The following SEPTIN11 variants were observed in gnomAD, a reference collection of about 807,000 sequenced individuals.
The protein encoded by SEPTIN11 is septin 11.
SEPTIN11 carries 25 observed loss-of-function variants against 51.4 expected under a neutral mutation model. That is an observed-to-expected ratio of 0.49 (90% CI 0.35 to 0.68). SEPTIN11 has a LOEUF of 0.68. Ranked by LOEUF, SEPTIN11 falls within the 30% of genes least tolerant of loss-of-function variation. The pLI is 0.00. For missense variants in SEPTIN11, 381 were observed against 520.8 expected (o/e 0.73, Z 2.61); for synonymous variants, 174 against 184.1 (o/e 0.95, Z 0.44).
rs150305848 is a variant in SEPTIN11 at position 77,012,325 on chromosome 4, A to G, written c.525+404A>G. 3.8e-3 allele frequency among the ~76,000 whole-genome samples: 582 copies of G among 152,308 alleles called. 4 individuals carry two copies. Among genetic ancestry groups the G allele is most frequent in the African/African-American group, 0.013 (550 of 41,556 alleles). ...TGATGATAATGGTCCAGCTTCTTCA[A>G]TTTTAAAACTGAACTGCACATGTGT... is the stretch of plus-strand genomic sequence containing the variant. On this transcript the variant is annotated intron_variant, in intron 4 of 9. Transcript: ENST00000264893.
In SEPTIN11 at chr4:77,035,687, A is replaced by G; in HGVS notation, c.*1175A>G. ...GCTGAAGTCTCAAATCATTGTCTGG[A>G]ATTTTCCTCACCTTGGCTAGCTCCA... On this transcript the variant is annotated 3_prime_UTR_variant, in exon 10 of 10. Coordinates refer to ENST00000264893, the MANE Select transcript of SEPTIN11 (RefSeq NM_018243.4). 7.1e-6 allele frequency: 7 copies of G among 985,874 alleles called. No individual in the cohort carries two copies. Among genetic ancestry groups the G allele is most frequent in the Non-Finnish European group, 8.4e-6 (7 of 829,942 alleles). The allele number at this position is 985,874 out of a possible 1,614,324, so 61.1% of individuals were successfully genotyped here.
At chr4:76,957,295 G>T (rs1172152470) in intron 1 of SEPTIN11, among the ~76,000 whole-genome samples, 1 of 152,056 alleles carries the variant, frequency 6.6e-6, no homozygotes, top group Non-Finnish European at 1.5e-5. Context: ...GTCCCTAAAT[G>T]CAGATGAATC....
intron 1 of SEPTIN11, among the ~76,000 whole-genome samples, chr4:76,954,689 C>T (rs1417458293): frequency 6.6e-6 from 1 of 152,236 alleles, no homozygotes; most frequent in Non-Finnish European, 1.5e-5. Context: ...AATCAGGAGT[C>T]TGTTCCCTGA....
intron 1 of SEPTIN11, chr4:76,973,186 T>G (rs2109904074): frequency 6.6e-6 from 1 of 152,314 alleles, no homozygotes; most frequent in East Asian, 1.9e-4. Flanking sequence ...ACTCAAAGCC[T>G]GTGTGGGGGG....
chr4:76,969,045 A>G (rs2109898315), intron 1 of SEPTIN11, among the ~76,000 whole-genome samples: 1 of 152,280 alleles, frequency 6.6e-6, no homozygotes, highest in East Asian at 1.9e-4. Context: ...CCCACATGTT[A>G]TGTTTGGCTT....
chr4:76,982,034 T>A (rs1161170333), intron 1 of SEPTIN11, among the ~76,000 whole-genome samples: 1 of 152,206 alleles, frequency 6.6e-6, no homozygotes, highest in African/African-American at 2.4e-5. Flanking sequence ...ATTTAAGGAC[T>A]ATTTCCAGTA....
Position 77,020,588 on chromosome 4 carries a change from A to G in SEPTIN11, c.871A>G (p.Thr291Ala). The G allele has an allele frequency of 6.3e-7, 1 of 1,575,476 alleles. No individual in the cohort carries two copies. Among genetic ancestry groups the G allele is most frequent in the Non-Finnish European group, 8.6e-7 (1 of 1,165,492 alleles). Residue 291 changes from threonine to alanine, a missense_variant, in exon 7 of 10, where the codon ACC becomes GCC. Physicochemically the swap from Thr to Ala is moderately conservative, Grantham distance 58. Coordinates refer to ENST00000264893, the MANE Select transcript of SEPTIN11 (RefSeq NM_018243.4). ...GGAGGACTTGCGAGAGCAGACTCACACCCGCCACTATGAATTGTACCGACG... is the reference window on the plus strand; with the variant it reads ...GGAGGACTTGCGAGAGCAGACTCACGCCCGCCACTATGAATTGTACCGACG... Reference protein sequence around the residue: ...NMEDLREQTHTRHYELYRRCK... With the variant: ...NMEDLREQTHARHYELYRRCK...
At chr4:77,007,761 A>T (rs1179138177) in intron 3 of SEPTIN11, among the ~76,000 whole-genome samples, 2 of 152,204 alleles carry the variant, frequency 1.3e-5, no homozygotes, top group Admixed American at 1.3e-4. Flanking sequence ...TGGCACTTAA[A>T]ACTCTCTGTT....
intron 5 of SEPTIN11, 76 bp from the exon 6 acceptor site, chr4:77,019,089 G>C: frequency 7.3e-7 from 1 of 1,363,944 alleles, no homozygotes; most frequent in Non-Finnish European, 1.0e-6. Context: ...CAGAAGGAGG[G>C]AGAAGATAGA....
intron 1 of SEPTIN11, among the ~76,000 whole-genome samples, chr4:76,979,441 T>A (rs1449087784): frequency 1.3e-5 from 2 of 152,088 alleles, no homozygotes; most frequent in African/African-American, 4.8e-5. Flanking sequence ...TCCAGTTTAG[T>A]GTATGGGCGG....
At chr4:76,991,702 G>T (rs1723386471) in intron 1 of SEPTIN11, among the ~76,000 whole-genome samples, 1 of 152,140 alleles carries the variant, frequency 6.6e-6, no homozygotes, top group South Asian at 2.1e-4. Context: ...TCTCCTCCAT[G>T]CCTTCCCGTA....
chr4:77,034,345 C>T (rs990665108), intron 9 of SEPTIN11, 152 bp from the exon 10 acceptor site: 18 of 589,924 alleles, frequency 3.1e-5, no homozygotes, highest in Middle Eastern at 4.9e-4. Flanking sequence ...GTAGAGTAGC[C>T]TTCTCAAATT....
Position 77,024,161 on chromosome 4 carries a change from C to CAA in SEPTIN11, c.953+3492_953+3493insAA. ...GAGGCAAAAGGAGGAGTAGCGCGCGCACAGAAACGCCGTATTCAAGCCTTG... is the reference window on the plus strand; with the variant it reads ...GAGGCAAAAGGAGGAGTAGCGCGCGCAAACAGAAACGCCGTATTCAAGCCTTG... On this transcript the variant is annotated intron_variant, in intron 7 of 9. Transcript: ENST00000264893. This position sits in a 1 kb window ranked among gnomAD's most constrained non-coding sequence, Gnocchi z 4.2. Among the ~76,000 whole-genome samples the CAA allele has an allele frequency of 6.6e-6, 1 of 152,090 alleles. No individual in the cohort carries two copies. Among genetic ancestry groups the CAA allele is most frequent in the Non-Finnish European group, 1.5e-5 (1 of 68,010 alleles).
chr4:77,035,010 T>C lies in SEPTIN11; in HGVS notation c.*498T>C, dbSNP rs1436809559. On this transcript the variant is annotated 3_prime_UTR_variant, in exon 10 of 10. Transcript: ENST00000264893. ...TCCTAAGCCAAGGTAGATTTGTACG[T>C]AGACAGACTGGTGAGCAAGCATTAT... 1.0e-6 allele frequency: 1 copy of C among 985,924 alleles called. No individual in the cohort carries two copies. Among genetic ancestry groups the C allele is most frequent in the Non-Finnish European group, 1.2e-6 (1 of 830,150 alleles). 61.1% of individuals were successfully genotyped at this position (985,924 alleles called of 1,614,324 possible).
intron 2 of SEPTIN11, among the ~76,000 whole-genome samples, chr4:77,004,919 C>T (rs971535486): frequency 1.8e-4 from 28 of 152,066 alleles, no homozygotes; most frequent in East Asian, 1.9e-4. Flanking sequence ...GCCGAGATCG[C>T]GCCACTGTAC....
intron 9 of SEPTIN11, 35 bp downstream of exon 9, chr4:77,031,005 C>CTA: frequency 6.4e-7 from 1 of 1,558,260 alleles, no homozygotes; most frequent in Non-Finnish European, 8.7e-7. Flanking sequence ...TCGGGGACCT[C>CTA]TAACAATTTA....
chr4:76,955,925 TG>T (rs1560690736), intron 1 of SEPTIN11, among the ~76,000 whole-genome samples: 2 of 152,098 alleles, frequency 1.3e-5, no homozygotes, highest in South Asian at 2.1e-4. Flanking sequence ...GTGGTGGGGC[TG>T]GGGGGGAAGA....
At chr4:77,019,564 C>T (rs1467778143) in intron 6 of SEPTIN11, among the ~76,000 whole-genome samples, 2 of 152,186 alleles carry the variant, frequency 1.3e-5, no homozygotes, top group Admixed American at 1.3e-4. Context: ...AGTTGGAGCT[C>T]GTTTCATCAG....
In SEPTIN11 at chr4:77,038,112, T is replaced by G; in HGVS notation, c.*3600T>G. On this transcript the variant is annotated 3_prime_UTR_variant, in exon 10 of 10. Coordinates refer to ENST00000264893, the MANE Select transcript of SEPTIN11 (RefSeq NM_018243.4). ...TGCCATTTGCAAGAGTCTGGAATTGTCAGGTCTCAGCTTCGAAAAGTCCTG... is the reference window on the plus strand; with the variant it reads ...TGCCATTTGCAAGAGTCTGGAATTGGCAGGTCTCAGCTTCGAAAAGTCCTG... The G allele has an allele frequency of 3.0e-6, 3 of 985,940 alleles. No individual in the cohort carries two copies. The highest frequency in any genetic ancestry group is 3.6e-6 in the Non-Finnish European group (3 of 829,962). The allele number at this position is 985,940 out of a possible 1,614,324, so 61.1% of individuals were successfully genotyped here.
Sources: allele counts gnomAD v4.1 joint callset (sites outside exome capture counted in the v4.1 genomes callset), GRCh38; gene constraint gnomAD v4.1.1; non-coding constraint Gnocchi (gnomAD v3.1); transcripts MANE v1.5; gene names NCBI Gene and HGNC (gene_info 2026-07-23, HGNC 2026-07-21).